CDH12: variants seen among roughly 807,000 people sequenced by gnomAD.
The protein encoded by CDH12 is cadherin-12.
Under a neutral mutation model 74.1 loss-of-function variants are expected in CDH12, and 41 were observed. The ratio of observed to expected loss-of-function variants is 0.55; its 90% CI spans 0.43 to 0.72. The LOEUF is 0.72. Among genes scored for constraint, CDH12 ranks in the 30% least tolerant of loss-of-function variants. The pLI, the probability that CDH12 is intolerant of heterozygous loss-of-function variation, is 0.00. For synonymous variants in CDH12, 399 were observed against 355.0 expected (o/e 1.12, Z -1.39); for missense variants, 945 against 977.2 (o/e 0.97, Z 0.44).
chr5:22,740,279 T>C (rs1288406793), intron 1 of CDH12, among the ~76,000 whole-genome samples: 1 of 152,078 alleles, frequency 6.6e-6, no homozygotes, highest in Non-Finnish European at 1.5e-5. Flanking sequence ...GCTCTCTTTA[T>C]AGGGGATTTT....
intron 2 of CDH12, among the ~76,000 whole-genome samples, chr5:22,501,792 C>T: frequency 6.6e-6 from 1 of 151,418 alleles, no homozygotes. Context: ...TTTTTGAACC[C>T]TATTGTCAAC....
rs1312845859 is a variant in CDH12, at chr5:22,504,270, T to C, written c.-428+1000A>G. Reference sequence around the variant, plus strand: ...TGTTAATCTAAAATTTGTATTTTTTTCCTCAAATCTGATAGCTGAAATTAA... The same window carrying C: ...TGTTAATCTAAAATTTGTATTTTTTCCCTCAAATCTGATAGCTGAAATTAA... On this transcript the variant is annotated intron_variant, in intron 2 of 14. Transcript: ENST00000382254. Among the ~76,000 whole-genome samples the C allele has an allele frequency of 5.9e-5, 9 of 152,144 alleles. No individual in the cohort carries two copies. The East Asian group carries it at 1.7e-3, about 29-fold the overall frequency.
At chr5:22,558,689 A>C (rs772415646) in intron 1 of CDH12, among the ~76,000 whole-genome samples, 3 of 152,062 alleles carry the variant, frequency 2.0e-5, no homozygotes, top group Admixed American at 2.0e-4. Flanking sequence ...GTAAATTACG[A>C]AATAAAAAAA....
chr5:22,797,129 G>A (rs1315110719), intron 1 of CDH12, among the ~76,000 whole-genome samples: 1 of 150,912 alleles, frequency 6.6e-6, no homozygotes, highest in African/African-American at 2.4e-5. Context: ...GGGGCATTTG[G>A]GAGGTAAATA....
intron 4 of CDH12, among the ~76,000 whole-genome samples, chr5:22,091,292 A>T (rs28761265): frequency 0.31 from 45,604 of 147,260 alleles, 7,968 homozygotes; most frequent in African/African-American, 0.49. Context: ...TGTGTGTGTG[A>T]GAGAGAAAGA....
rs138004802 is a variant in CDH12 at position 22,170,567 on chromosome 5, C to G, written c.-187+41931G>C. 6.3e-3 allele frequency among the ~76,000 whole-genome samples: 942 copies of G among 150,072 alleles called. 6 individuals are homozygous for G. The highest frequency in any genetic ancestry group is 0.021 in the African/African-American group (877 of 40,970). Reference sequence around the variant, plus strand: ...TTACATATAAGCTTCTTATATATAACTTATATATAAGCTTCTTATATATAA... The same window carrying G: ...TTACATATAAGCTTCTTATATATAAGTTATATATAAGCTTCTTATATATAA... On this transcript the variant is annotated intron_variant, in intron 4 of 14. Transcript: ENST00000382254.
chr5:22,674,247 G>A lies in CDH12; in HGVS notation c.-522-168883C>T, dbSNP rs112323687. Reference sequence around the variant, plus strand: ...GGGAGGGATCTGGTGGGAGGTAATTGAATCATAGGGGCAGGTCTTTTCCGT... The same window carrying A: ...GGGAGGGATCTGGTGGGAGGTAATTAAATCATAGGGGCAGGTCTTTTCCGT... On this transcript the variant is annotated intron_variant, in intron 1 of 14. Coordinates refer to ENST00000382254, the MANE Select transcript of CDH12 (RefSeq NM_004061.5). Among the ~76,000 whole-genome samples the A allele has an allele frequency of 7.5e-3, 1,144 of 152,280 alleles. 18 individuals are homozygous for A. Among genetic ancestry groups the A allele is most frequent in the African/African-American group, 0.026 (1,100 of 41,556 alleles).
intron 1 of CDH12, among the ~76,000 whole-genome samples, chr5:22,531,921 C>A (rs1737601574): frequency 6.6e-6 from 1 of 152,074 alleles, no homozygotes; most frequent in Non-Finnish European, 1.5e-5. Flanking sequence ...CTGGAGACTG[C>A]AACGGAGAGT....
intron 6 of CDH12, among the ~76,000 whole-genome samples, chr5:21,929,525 G>A (rs1754741584): frequency 6.6e-6 from 1 of 151,964 alleles, no homozygotes; most frequent in African/African-American, 2.4e-5. Context: ...GAGCTCAGGT[G>A]GTAATGCAAG....
At chr5:22,362,416 A>C (rs1193567952) in intron 3 of CDH12, among the ~76,000 whole-genome samples, 1 of 152,182 alleles carries the variant, frequency 6.6e-6, no homozygotes, top group Non-Finnish European at 1.5e-5. Context: ...GCGATCATTA[A>C]AAAGTCAGGA....
At chr5:22,492,280 C>G (rs527781841) in intron 2 of CDH12, among the ~76,000 whole-genome samples, 73 of 152,184 alleles carry the variant, frequency 4.8e-4, no homozygotes, top group African/African-American at 1.7e-3. Flanking sequence ...GCAGGACTTT[C>G]CAGTCTCCGT....
At chr5:22,061,629 T>C (rs1741193504) in intron 5 of CDH12, among the ~76,000 whole-genome samples, 2 of 152,158 alleles carry the variant, frequency 1.3e-5, no homozygotes, top group Admixed American at 1.3e-4. Flanking sequence ...TCACCTGGTA[T>C]AATATACAAA....
chr5:21,967,450 TG>T (rs1756636074), intron 6 of CDH12, among the ~76,000 whole-genome samples: 1 of 152,206 alleles, frequency 6.6e-6, no homozygotes, highest in African/African-American at 2.4e-5. Flanking sequence ...ACTTGGAGGC[TG>T]GGGAAGGAGT....
chr5:22,029,679 A>T (rs369155716), intron 5 of CDH12, among the ~76,000 whole-genome samples: 23 of 152,242 alleles, frequency 1.5e-4, no homozygotes, highest in East Asian at 1.4e-3. Context: ...TGTAAACTAG[A>T]TCAACCATTG....
At chr5:22,059,253 CTCTA>C (rs11438319) in intron 5 of CDH12, among the ~76,000 whole-genome samples, 17,960 of 144,260 alleles carry the variant, frequency 0.12, 1,257 homozygotes, top group Middle Eastern at 0.15. Context: ...TTTCCTTGTA[CTCTA>C]TCTATCTATC....
intron 9 of CDH12, among the ~76,000 whole-genome samples, chr5:21,810,896 A>G (rs1364821231): frequency 6.6e-6 from 1 of 152,172 alleles, no homozygotes; most frequent in African/African-American, 2.4e-5. Context: ...AATTAACCAC[A>G]TGATGGTGCT....
intron 4 of CDH12, among the ~76,000 whole-genome samples, chr5:22,103,782 C>T (rs142985767): frequency 7.2e-4 from 110 of 152,268 alleles, no homozygotes; most frequent in African/African-American, 2.5e-3. Context: ...GTTATGTTTT[C>T]CATTTATTTC....
intron 5 of CDH12, among the ~76,000 whole-genome samples, chr5:22,020,172 T>A (rs1289597914): frequency 1.3e-5 from 2 of 152,106 alleles, no homozygotes; most frequent in Non-Finnish European, 2.9e-5. Context: ...ACAGGGTATG[T>A]TAGTTGGCTT....
rs147283757 is a variant in CDH12 at position 21,857,441 on chromosome 5, G to A, written c.527-2651C>T. 1.2e-4 allele frequency among the ~76,000 whole-genome samples: 18 copies of A among 151,904 alleles called. No homozygotes were observed. In the East Asian group the frequency reaches 3.1e-3, roughly 26 times the overall value. On this transcript the variant is annotated intron_variant, in intron 6 of 14. Coordinates refer to ENST00000382254, the MANE Select transcript of CDH12 (RefSeq NM_004061.5). Reference sequence around the variant, plus strand: ...CAGAGTGCAGAATTTGCAATGGAGAGTATCAAGTCACTTCAAGTTCCCATA... The same window carrying A: ...CAGAGTGCAGAATTTGCAATGGAGAATATCAAGTCACTTCAAGTTCCCATA...
Sources: gnomAD v4.1 joint callset for allele counts (sites outside exome capture counted in the v4.1 genomes callset) on GRCh38, gnomAD v4.1.1 for gene constraint, MANE v1.5 for transcripts, NCBI Gene and HGNC (gene_info 2026-07-23, HGNC 2026-07-21) for gene names.